GRIN3A: variants seen among roughly 807,000 people sequenced by gnomAD.
The protein encoded by GRIN3A is glutamate ionotropic receptor NMDA type subunit 3A.
Under a neutral mutation model 92.4 loss-of-function variants are expected in GRIN3A, and 47 were observed. That is an observed-to-expected ratio of 0.51 (90% confidence interval 0.40 to 0.65). GRIN3A has a LOEUF of 0.65. Among genes scored for constraint, GRIN3A ranks in the 30% least tolerant of loss-of-function variants. The pLI, the probability that GRIN3A is intolerant of heterozygous loss-of-function variation, is 0.00. For synonymous variants in GRIN3A, 527 were observed against 540.6 expected, an observed-to-expected ratio of 0.97 and a Z score of 0.35; for missense variants, 1,324 against 1,393.1, an observed-to-expected ratio of 0.95 and a Z score of 0.79.
At chr9:101,622,995 A>AACACAC (rs5899450) in intron 5 of GRIN3A, among the ~76,000 whole-genome samples, 37,118 of 147,394 alleles carry the variant, frequency 0.25, 6,031 homozygotes, top group African/African-American at 0.47. Context: ...CCTGCCACTA[A>AACACAC]ACACACACAC....
intron 6 of GRIN3A, among the ~76,000 whole-genome samples, chr9:101,580,113 T>A (rs1564118102): frequency 1.3e-5 from 2 of 152,158 alleles, no homozygotes; most frequent in Admixed American, 6.5e-5. Context: ...TTCATAAATA[T>A]TTATGACTCC....
chr9:101,709,779 AC>A (rs1467526854), intron 1 of GRIN3A, among the ~76,000 whole-genome samples: 1 of 152,216 alleles, frequency 6.6e-6, no homozygotes, highest in African/African-American at 2.4e-5. Context: ...TTACACAAGT[AC>A]AAAAATGTTT....
At position 101,587,032 on chromosome 9, in the gene GRIN3A, G is replaced by A. The variant is rs544175197; in HGVS notation, c.2767-7672C>T. Among the ~76,000 whole-genome samples the A allele has an allele frequency of 3.7e-4, 57 of 152,192 alleles. No individual in the cohort carries two copies. The South Asian group carries it at 0.01, about 28-fold the overall frequency. On this transcript the variant is annotated intron_variant, in intron 6 of 8. Coordinates refer to ENST00000361820, the MANE Select transcript of GRIN3A (RefSeq NM_133445.3). ...TTAAGTTTAAAAATCTGTTGCAGCCGGGCGCAGTGGCTCACGCCTGTAATC... is the reference window on the plus strand; with the variant it reads ...TTAAGTTTAAAAATCTGTTGCAGCCAGGCGCAGTGGCTCACGCCTGTAATC...
intron 1 of GRIN3A, among the ~76,000 whole-genome samples, chr9:101,700,426 A>T (rs1037366535): frequency 6.6e-6 from 1 of 152,192 alleles, no homozygotes; most frequent in Non-Finnish European, 1.5e-5. Context: ...TCTGATGTCA[A>T]TCAGAAAACT....
intron 6 of GRIN3A, among the ~76,000 whole-genome samples, chr9:101,583,368 T>C (rs1827913463): frequency 6.6e-6 from 1 of 152,210 alleles, no homozygotes; most frequent in Non-Finnish European, 1.5e-5. Flanking sequence ...AATGTTTCAA[T>C]TGTGTCTGAG....
chr9:101,723,899 G>T (rs569100173), intron 1 of GRIN3A, among the ~76,000 whole-genome samples: 1 of 152,106 alleles, frequency 6.6e-6, no homozygotes, highest in African/African-American at 2.4e-5. Context: ...GGTTCTCCAA[G>T]GTCCCACCAG....
At chr9:101,593,228 A>T (rs1360946895) in intron 6 of GRIN3A, 1 of 152,268 alleles carries the variant, frequency 6.6e-6, no homozygotes, top group African/African-American at 2.4e-5. Flanking sequence ...AGACACATGC[A>T]TTCTGGATCT....
At chr9:101,642,170 C>G (rs1828874855) in intron 3 of GRIN3A, among the ~76,000 whole-genome samples, 2 of 152,066 alleles carry the variant, frequency 1.3e-5, no homozygotes, top group South Asian at 2.1e-4. Flanking sequence ...CAAAATAAAT[C>G]CATGCATATA....
intron 1 of GRIN3A, among the ~76,000 whole-genome samples, chr9:101,734,213 A>G (rs367642405): frequency 2.6e-4 from 39 of 152,212 alleles, no homozygotes; most frequent in African/African-American, 9.2e-4. Context: ...GGAAGGAGAG[A>G]GAAAGAAAGT....
In GRIN3A at chr9:101,670,559, C is replaced by T. The variant is rs771218564; in HGVS notation, c.1853G>A (p.Gly618Asp). Residue 618 changes from glycine to aspartate, a missense_variant, in exon 3 of 9, where the codon GGT becomes GAT. Transcript: ENST00000361820. ...WKNGHWTGLV[G>D]DLLRGTAHMA... is the part of the protein sequence containing the mutation. ...GTGGGCAGTCCCTCTCAGGAGATCA[C>T]CCACTAGCCCAGTCCAGTGCCCATT... The T allele has an allele frequency of 1.2e-6, 2 of 1,613,894 alleles. No individual in the cohort carries two copies.
At chr9:101,601,267 GT>G (rs952687858) in intron 6 of GRIN3A, among the ~76,000 whole-genome samples, 5 of 152,212 alleles carry the variant, frequency 3.3e-5, no homozygotes, top group Non-Finnish European at 7.3e-5. Context: ...GGTTTTGAAT[GT>G]TTGGCTAAGA....
chr9:101,610,060 CAAATG>C (rs1828339883), intron 6 of GRIN3A, among the ~76,000 whole-genome samples: 1 of 152,206 alleles, frequency 6.6e-6, no homozygotes, highest in Non-Finnish European at 1.5e-5. Context: ...ATGGTCACAA[CAAATG>C]ATAGAAAACA....
chr9:101,591,010 A>C (rs531975352), intron 6 of GRIN3A, among the ~76,000 whole-genome samples: 1 of 152,302 alleles, frequency 6.6e-6, no homozygotes, highest in Non-Finnish European at 1.5e-5. Flanking sequence ...CTGTTTCAAA[A>C]AGAGTGTCTA....
At chr9:101,613,629 G>T (rs991880980) in intron 5 of GRIN3A, 102 bp from the exon 6 acceptor site, 1 of 1,094,730 alleles carries the variant, frequency 9.1e-7, no homozygotes, top group East Asian at 2.5e-5. Context: ...CAAAAAAAGG[G>T]CGTGATGAGT....
intron 6 of GRIN3A, among the ~76,000 whole-genome samples, chr9:101,604,364 G>A (rs1191493122): frequency 6.6e-6 from 1 of 152,158 alleles, no homozygotes; most frequent in African/African-American, 2.4e-5. Context: ...CCTTTCTTCA[G>A]GCCTAATTTT....
At chr9:101,594,180 C>T (rs1372918606) in intron 6 of GRIN3A, 16 of 451,896 alleles carry the variant, frequency 3.5e-5, no homozygotes, top group Non-Finnish European at 5.7e-5. Context: ...CTTTTCTTTC[C>T]CCACTATGCT....
intron 2 of GRIN3A, among the ~76,000 whole-genome samples, chr9:101,684,445 C>T (rs1225732537): frequency 6.6e-6 from 1 of 151,912 alleles, no homozygotes; most frequent in African/African-American, 2.4e-5. Flanking sequence ...TATTAAGTGC[C>T]TACTATAGGC....
At chr9:101,601,764 T>A (rs1564123482) in intron 6 of GRIN3A, among the ~76,000 whole-genome samples, 1 of 152,150 alleles carries the variant, frequency 6.6e-6, no homozygotes, top group Non-Finnish European at 1.5e-5. Context: ...TCCCTGAGTG[T>A]CTGTCTTTGT....
At chr9:101,623,194 G>A (rs1828581478) in intron 5 of GRIN3A, 124 bp downstream of exon 5, 2 of 730,772 alleles carry the variant, frequency 2.7e-6, no homozygotes, top group African/African-American at 3.5e-5. Flanking sequence ...GTGCTTATGA[G>A]TTGAAAATGA....
Sources: gnomAD v4.1 joint callset for allele counts (sites outside exome capture counted in the v4.1 genomes callset) on GRCh38, gnomAD v4.1.1 for gene constraint, MANE v1.5 for transcripts, NCBI Gene and HGNC (gene_info 2026-07-23, HGNC 2026-07-21) for gene names.